The following SCLT1 variants were observed in gnomAD, a reference collection of about 807,000 sequenced individuals.
SCLT1 encodes sodium channel-associated protein 1.
In SCLT1, 78 loss-of-function variants were observed where a neutral mutation model predicts 112.8. The ratio of observed to expected loss-of-function variants is 0.69; its 90% CI spans 0.58 to 0.83. SCLT1 has a LOEUF of 0.83. SCLT1 is among the 40% of genes least tolerant of loss of function. The pLI is 0.00. For synonymous variants in SCLT1, 257 were observed against 254.7 expected, an observed-to-expected ratio of 1.01 and a Z score of -0.09; for missense variants, 747 against 770.4, an observed-to-expected ratio of 0.97 and a Z score of 0.36.
chr4:128,940,251 T>C (rs1356253047), intron 17 of SCLT1, among the ~76,000 whole-genome samples: 1 of 151,466 alleles, frequency 6.6e-6, no homozygotes, highest in Non-Finnish European at 1.5e-5. Flanking sequence ...TAAAGACGGA[T>C]CAACTGGAGT....
chr4:128,918,606 G>A (rs1304032872), intron 18 of SCLT1, among the ~76,000 whole-genome samples: 2 of 152,100 alleles, frequency 1.3e-5, no homozygotes, highest in African/African-American at 4.8e-5. Context: ...AATGTAAATA[G>A]GCTAAATGCT....
At chr4:129,050,994 T>C (rs1748732243) in intron 2 of SCLT1, among the ~76,000 whole-genome samples, 1 of 151,866 alleles carries the variant, frequency 6.6e-6, no homozygotes, top group East Asian at 1.9e-4. Flanking sequence ...CTTTTCCCCA[T>C]TACTTGTTTT....
intron 2 of SCLT1, among the ~76,000 whole-genome samples, chr4:129,055,450 G>C (rs1436215867): frequency 1.3e-5 from 2 of 152,202 alleles, no homozygotes; most frequent in African/African-American, 4.8e-5. Context: ...CCTAACTGGG[G>C]CTGCTGCCTT....
chr4:128,975,719 T>C (rs1350405687), intron 9 of SCLT1, among the ~76,000 whole-genome samples: 2 of 152,168 alleles, frequency 1.3e-5, no homozygotes, highest in Non-Finnish European at 2.9e-5. Flanking sequence ...TTACCCAGTA[T>C]AATAAAGCCA....
chr4:128,993,970 T>C (rs1579627140), intron 8 of SCLT1, among the ~76,000 whole-genome samples: 1 of 152,144 alleles, frequency 6.6e-6, no homozygotes, highest in African/African-American at 2.4e-5. Flanking sequence ...AGAGCATATC[T>C]ATTGCATATT....
chr4:128,920,931 A>G (rs1735834042), intron 18 of SCLT1, among the ~76,000 whole-genome samples: 1 of 152,190 alleles, frequency 6.6e-6, no homozygotes, highest in Non-Finnish European at 1.5e-5. Context: ...TCTGCCCACA[A>G]GCTCTTAGAT....
chr4:129,046,253 T>C (rs894906098), intron 2 of SCLT1, among the ~76,000 whole-genome samples: 3 of 152,100 alleles, frequency 2.0e-5, no homozygotes, highest in Admixed American at 2.0e-4. Context: ...ACAGTTCTGA[T>C]ACACACAAGT....
intron 8 of SCLT1, among the ~76,000 whole-genome samples, chr4:128,995,787 G>A (rs2126075301): frequency 6.6e-6 from 1 of 152,194 alleles, no homozygotes; most frequent in Middle Eastern, 3.4e-3. Context: ...TTAGAGCTTC[G>A]TGAGACAGAT....
chr4:129,002,241 T>C (rs1240136758), intron 6 of SCLT1, among the ~76,000 whole-genome samples: 2 of 151,924 alleles, frequency 1.3e-5, no homozygotes, highest in African/African-American at 2.4e-5. Context: ...ACCTGGAAAG[T>C]AGAAGAATGG....
intron 5 of SCLT1, among the ~76,000 whole-genome samples, chr4:129,019,421 C>A (rs1488304151): frequency 6.6e-6 from 1 of 152,168 alleles, no homozygotes; most frequent in African/African-American, 2.4e-5. Context: ...TAACCTTTGA[C>A]AAGCCATTGA....
chr4:129,038,939 C>G, intron 5 of SCLT1, 102 bp downstream of exon 5: 1 of 759,818 alleles, frequency 1.3e-6, no homozygotes, highest in Non-Finnish European at 2.3e-6. Context: ...CCGGGGTCCA[C>G]ATTCTTAACT....
intron 2 of SCLT1, among the ~76,000 whole-genome samples, chr4:129,065,450 G>A (rs1021933090): frequency 2.0e-5 from 3 of 151,988 alleles, no homozygotes; most frequent in Non-Finnish European, 2.9e-5. Flanking sequence ...AGTTGGCAAA[G>A]CTTTTTTGTA....
At chr4:129,060,371 T>C (rs898263124) in intron 2 of SCLT1, among the ~76,000 whole-genome samples, 6 of 152,198 alleles carry the variant, frequency 3.9e-5, no homozygotes, top group African/African-American at 1.4e-4. Flanking sequence ...TTGTGTTCCT[T>C]TGGTGGTGAC....
chr4:129,027,846 A>G (rs1170032923), intron 5 of SCLT1, among the ~76,000 whole-genome samples: 1 of 152,272 alleles, frequency 6.6e-6, no homozygotes, highest in African/African-American at 2.4e-5. Flanking sequence ...TACAAAATCA[A>G]TATACAAAAA....
chr4:129,092,213 C>G (rs922177991), intron 1 of SCLT1, among the ~76,000 whole-genome samples: 9 of 152,184 alleles, frequency 5.9e-5, no homozygotes, highest in Non-Finnish European at 2.9e-5. Context: ...GGCCCTTCAC[C>G]ATCCAGCCCC....
intron 18 of SCLT1, among the ~76,000 whole-genome samples, chr4:128,914,116 A>G (rs539330064): frequency 6.4e-4 from 98 of 152,336 alleles, no homozygotes; most frequent in African/African-American, 1.6e-3. Context: ...CTGTAATCCC[A>G]GCACTTTGGG....
At chr4:128,999,946 A>G (rs1743329151) in intron 6 of SCLT1, 152 bp from the exon 7 acceptor site, 2 of 417,842 alleles carry the variant, frequency 4.8e-6, no homozygotes, top group Non-Finnish European at 8.1e-6. Context: ...TATTTTTGAT[A>G]TGAAGTTTTA....
At chr4:129,082,506 C>T in intron 1 of SCLT1, 133 bp from the exon 2 acceptor site, 1 of 466,400 alleles carries the variant, frequency 2.1e-6, no homozygotes, top group East Asian at 3.3e-5. Context: ...TAAGATGAAT[C>T]ATCAGTTTCA....
chr4:129,029,573 T>A (rs1237269209), intron 5 of SCLT1, among the ~76,000 whole-genome samples: 1 of 151,690 alleles, frequency 6.6e-6, no homozygotes, highest in East Asian at 1.9e-4. Flanking sequence ...ATATACCTAA[T>A]GCTAAATGAC....
Sources: gnomAD v4.1 joint callset for allele counts (sites outside exome capture counted in the v4.1 genomes callset) on GRCh38, gnomAD v4.1.1 for gene constraint, MANE v1.5 for transcripts, NCBI Gene and HGNC (gene_info 2026-07-23, HGNC 2026-07-21) for gene names.